PRTN3: variants seen among roughly 807,000 people sequenced by gnomAD.
The protein encoded by PRTN3 is proteinase 3.
Under a neutral mutation model 20.7 loss-of-function variants are expected in PRTN3, and 22 were observed. The observed-to-expected ratio is 1.06, with a 90% confidence interval of 0.76 to 1.52. PRTN3 has a LOEUF of 1.52. Among genes scored for constraint, PRTN3 ranks in the 40% most tolerant of loss-of-function variants. PRTN3 has a pLI of 0.00. For synonymous variants in PRTN3, 173 were observed against 152.9 expected (o/e 1.13, Z -0.97); for missense variants, 378 against 359.6 (o/e 1.05, Z -0.41).
chr19:847,461 C>A (rs1222700467), intron 4 of PRTN3, among the ~76,000 whole-genome samples: 3 of 102,400 alleles, frequency 2.9e-5, no homozygotes, highest in East Asian at 2.6e-4. Context: ...CAAAACAAAA[C>A]AAAACAAAAG....
chr19:841,826 C>T (rs1381174824), intron 1 of PRTN3, among the ~76,000 whole-genome samples: 1 of 139,578 alleles, frequency 7.2e-6, no homozygotes, highest in East Asian at 2.1e-4. Context: ...CTCCCGGGTT[C>T]ACGCCTTTCT....
intron 3 of PRTN3, among the ~76,000 whole-genome samples, chr19:845,717 A>G (rs1311577976): frequency 2.0e-5 from 3 of 148,988 alleles, no homozygotes; most frequent in African/African-American, 7.3e-5. Flanking sequence ...TCCATCTCAA[A>G]AAAAAAAAAA....
chr19:841,771 A>G (rs1461321335), intron 1 of PRTN3, among the ~76,000 whole-genome samples: 2 of 122,174 alleles, frequency 1.6e-5, no homozygotes, highest in Non-Finnish European at 3.3e-5. Context: ...CCTGTCGCCC[A>G]GGCTGGAGTG....
intron 1 of PRTN3, 54 bp from the exon 2 acceptor site, chr19:843,407 C>T (rs2035469304): frequency 4.0e-6 from 6 of 1,482,712 alleles, no homozygotes; most frequent in Admixed American, 4.3e-5. Flanking sequence ...CTCTGCCATC[C>T]CCCCTTTCCC....
chr19:844,265 C>CCG (rs1568299599), intron 3 of PRTN3, among the ~76,000 whole-genome samples: 1 of 115,164 alleles, frequency 8.7e-6, no homozygotes, highest in Non-Finnish European at 1.8e-5. Context: ...CGCCTCTCCC[C>CCG]TGCGCGCCTC....
intron 3 of PRTN3, 109 bp from the exon 4 acceptor site, chr19:846,038 A>C: frequency 2.9e-6 from 2 of 692,012 alleles, no homozygotes; most frequent in Non-Finnish European, 4.5e-6. Flanking sequence ...AGGGAGCGGC[A>C]TCCGCGGCGT....
chr19:846,078 G>A lies in PRTN3; in HGVS notation c.370-69G>A, dbSNP rs1012471046. The A allele has an allele frequency of 4.1e-5, 51 of 1,238,650 alleles. No individual in the cohort carries two copies. The Middle Eastern group carries it at 6.6e-4, about 16-fold the overall frequency. The allele number at this position is 1,238,650 out of a possible 1,614,324, so 76.7% of individuals were successfully genotyped here. A position where few individuals can be genotyped will look rare whatever the true frequency, so the allele number is the denominator to read the frequency against. ...AGGTGGTGGGTGTGGTGGGTGTGGT[G>A]GGAGGGCGGCCCGGGCGGCCACCGT... On this transcript the variant is annotated intron_variant, in intron 3 of 4. Coordinates refer to ENST00000234347, the MANE Select transcript of PRTN3 (RefSeq NM_002777.4).
intron 2 of PRTN3, 73 bp from the exon 3 acceptor site, chr19:843,820 G>A (rs994163719): frequency 9.3e-6 from 14 of 1,504,854 alleles, no homozygotes; most frequent in Middle Eastern, 2.4e-4. Context: ...CTGCACCGCG[G>A]CCTCGGGAAG....
At position 848,068 on chromosome 19, in the gene PRTN3, G is replaced by T; in HGVS notation, c.*99G>T. The T allele has an allele frequency of 7.1e-7, 1 of 1,416,704 alleles. No homozygotes were observed. Among genetic ancestry groups the T allele is most frequent in the Non-Finnish European group, 9.4e-7 (1 of 1,061,884 alleles). 87.8% of individuals were successfully genotyped at this position (1,416,704 alleles called of 1,614,324 possible). ...GCAGCTCTTCCCCGAACACTGTGGC[G>T]TCCGGGACGGCCCCACCCGTCCCCC... On this transcript the variant is annotated 3_prime_UTR_variant, in exon 5 of 5. Coordinates refer to ENST00000234347, the MANE Select transcript of PRTN3 (RefSeq NM_002777.4).
At chr19:846,932 G>A (rs1213603718) in intron 4 of PRTN3, among the ~76,000 whole-genome samples, 1 of 152,138 alleles carries the variant, frequency 6.6e-6, no homozygotes, top group Admixed American at 6.6e-5. Context: ...TTTTAGTAGA[G>A]ATGAGGTTTC....
chr19:844,682 A>G (rs1262387579), intron 3 of PRTN3, among the ~76,000 whole-genome samples: 1 of 150,398 alleles, frequency 6.6e-6, no homozygotes, highest in Non-Finnish European at 1.5e-5. Context: ...CCTCTCATTC[A>G]TGGGGCCCTC....
intron 1 of PRTN3, among the ~76,000 whole-genome samples, chr19:842,612 G>A (rs368055455): frequency 8.5e-4 from 68 of 79,804 alleles, no homozygotes; most frequent in African/African-American, 4.2e-3. Context: ...TTTTTGAGAC[G>A]GAGTGTCATT....
chr19:841,774 C>T (rs12979477), intron 1 of PRTN3, among the ~76,000 whole-genome samples: 40,887 of 114,546 alleles, frequency 0.36, 7,852 homozygotes, highest in Admixed American at 0.47. Flanking sequence ...GTCGCCCAGG[C>T]TGGAGTGCAG....
At chr19:841,421 T>C (rs1316811192) in intron 1 of PRTN3, among the ~76,000 whole-genome samples, 1 of 152,002 alleles carries the variant, frequency 6.6e-6, no homozygotes, top group Non-Finnish European at 1.5e-5. Context: ...AATGAGTGAA[T>C]GAATGAGTGA....
chr19:841,307 C>A (rs879441467), intron 1 of PRTN3, among the ~76,000 whole-genome samples: 1 of 152,246 alleles, frequency 6.6e-6, no homozygotes, highest in Non-Finnish European at 1.5e-5. Flanking sequence ...AAAACCCAGC[C>A]CTTCCCTCCT....
chr19:846,838 G>A (rs577186080), intron 4 of PRTN3, among the ~76,000 whole-genome samples: 90 of 152,220 alleles, frequency 5.9e-4, no homozygotes, highest in African/African-American at 2.1e-3. Flanking sequence ...CACCTCCCAG[G>A]TTCAAGGTAT....
At position 843,932 on chromosome 19, in the gene PRTN3, C is replaced by T; in HGVS notation, c.267C>T (p.Asn89=). The stretch of plus-strand genomic sequence containing the variant: ...TGAACGTGGTGCTCGGAGCCCACAA[C>T]GTGCGGACGCAGGAGCCCACCCAGC... ...RLVNVVLGAH[N]VRTQEPTQQH... is the part of the protein sequence containing the mutation. Residue 89 remains asparagine, a synonymous_variant, in exon 3 of 5, where the codon AAC becomes AAT. Coordinates refer to ENST00000234347, the MANE Select transcript of PRTN3 (RefSeq NM_002777.4). The T allele has an allele frequency of 1.3e-6, 2 of 1,598,870 alleles. No individual in the cohort carries two copies. Among genetic ancestry groups the T allele is most frequent in the Admixed American group, 1.7e-5 (1 of 57,710 alleles).
chr19:848,088 T>C lies in PRTN3; in HGVS notation c.*119T>C. On this transcript the variant is annotated 3_prime_UTR_variant, in exon 5 of 5. Coordinates refer to ENST00000234347, the MANE Select transcript of PRTN3 (RefSeq NM_002777.4). ...GTGGCGTCCGGGACGGCCCCACCCG[T>C]CCCCCCACACTCCCTCCCACGGGGC... The C allele has an allele frequency of 1.6e-6, 2 of 1,270,202 alleles. No homozygotes were observed. The highest frequency in any genetic ancestry group is 2.1e-6 in the Non-Finnish European group (2 of 938,362). 78.7% of individuals were successfully genotyped at this position (1,270,202 alleles called of 1,614,324 possible). A position where few individuals can be genotyped will look rare whatever the true frequency, so the allele number is the denominator to read the frequency against.
chr19:848,164 C>G lies in PRTN3; in HGVS notation c.*195C>G. The G allele has an allele frequency of 9.3e-6, 6 of 644,192 alleles. No homozygotes were observed. In the South Asian group the frequency reaches 1.3e-4, roughly 14 times the overall value. 39.9% of individuals were successfully genotyped at this position (644,192 alleles called of 1,614,324 possible). A position where few individuals can be genotyped will look rare whatever the true frequency, so the allele number is the denominator to read the frequency against. On this transcript the variant is annotated 3_prime_UTR_variant, in exon 5 of 5. Coordinates refer to ENST00000234347, the MANE Select transcript of PRTN3 (RefSeq NM_002777.4). ...CTCACCCCACCGTGACCTCAATAAA[C>G]GTTGAAACTCCCCCTGGCTCCTGTC... is the stretch of plus-strand genomic sequence containing the variant.
Sources: allele counts gnomAD v4.1 joint callset (sites outside exome capture counted in the v4.1 genomes callset), GRCh38; gene constraint gnomAD v4.1.1; transcripts MANE v1.5; gene names NCBI Gene and HGNC (gene_info 2026-07-23, HGNC 2026-07-21).